Variants in CCDC13 observed in about 807,000 individuals in gnomAD.
CCDC13 encodes coiled-coil domain-containing protein 13.
In CCDC13, 70 loss-of-function variants were observed where a neutral mutation model predicts 87.3. That is an observed-to-expected ratio of 0.80 (90% CI 0.66 to 0.98). The LOEUF is 0.98. Ranked by LOEUF, CCDC13 falls within the 50% of genes least tolerant of loss-of-function variation. CCDC13 has a pLI of 0.00. For missense variants in CCDC13, 842 were observed against 892.0 expected, an observed-to-expected ratio of 0.94 and a Z score of 0.71; for synonymous variants, 317 against 360.3, an observed-to-expected ratio of 0.88 and a Z score of 1.36.
intron 7 of CCDC13, among the ~76,000 whole-genome samples, chr3:42,744,233 G>A (rs1211710550): frequency 6.6e-6 from 1 of 152,168 alleles, no homozygotes; most frequent in Non-Finnish European, 1.5e-5. Context: ...TTCAGCAAGT[G>A]GCAGGTAGAT....
At chr3:42,772,818 G>A (rs550115786) in intron 1 of CCDC13, among the ~76,000 whole-genome samples, 2 of 152,316 alleles carry the variant, frequency 1.3e-5, no homozygotes, top group African/African-American at 4.8e-5. Flanking sequence ...CTTTCAGTGC[G>A]GTGCGAGAGG....
intron 13 of CCDC13, among the ~76,000 whole-genome samples, chr3:42,730,014 T>G (rs1468778145): frequency 6.6e-6 from 1 of 152,134 alleles, no homozygotes; most frequent in Non-Finnish European, 1.5e-5. Flanking sequence ...GTCCAGTGCC[T>G]CAGGCCTCGT....
At position 42,745,795 on chromosome 3, in the gene CCDC13, T is replaced by G. The variant is rs191963974; in HGVS notation, c.825+128A>C. On this transcript the variant is annotated intron_variant, in intron 7 of 15. Transcript: ENST00000310232. ...AGGTAAAACAACAACCCCGCACGAG[T>G]GCACTGTGAGACCTAAAGGCCTTTT... 121 of 627,378 alleles carry G rather than the reference T, an allele frequency of 1.9e-4. No homozygotes were observed. In the East Asian group the frequency reaches 3.1e-3, roughly 16 times the overall value. The allele number at this position is 627,378 out of a possible 1,614,324, so 38.9% of individuals were successfully genotyped here. A position where few individuals can be genotyped will look rare whatever the true frequency, so the allele number is the denominator to read the frequency against.
intron 14 of CCDC13, among the ~76,000 whole-genome samples, chr3:42,712,861 T>C (rs7639483): frequency 0.5 from 76,083 of 152,054 alleles, 19,343 homozygotes; most frequent in African/African-American, 0.6. Flanking sequence ...GAAGTCAGCT[T>C]AGGATAGAGG....
At chr3:42,725,847 A>C (rs990256631) in intron 13 of CCDC13, among the ~76,000 whole-genome samples, 3 of 152,168 alleles carry the variant, frequency 2.0e-5, no homozygotes, top group African/African-American at 7.2e-5. Flanking sequence ...TAAGCTCATA[A>C]AATCACAAAA....
intron 1 of CCDC13, among the ~76,000 whole-genome samples, chr3:42,771,561 C>T (rs570703659): frequency 6.6e-6 from 1 of 152,266 alleles, no homozygotes; most frequent in African/African-American, 2.4e-5. Flanking sequence ...TTGAGACCAG[C>T]TTGGGCAACA....
At chr3:42,758,425 G>A in intron 1 of CCDC13, 74 bp from the exon 2 acceptor site, 1 of 1,431,798 alleles carries the variant, frequency 7.0e-7, no homozygotes, top group South Asian at 1.2e-5. Flanking sequence ...CGCCCTGTCT[G>A]CAGCCCCAGC....
chr3:42,736,686 C>G (rs1442365149), intron 9 of CCDC13, among the ~76,000 whole-genome samples: 1 of 152,008 alleles, frequency 6.6e-6, no homozygotes, highest in Non-Finnish European at 1.5e-5. Context: ...TCTTCTGTGC[C>G]CCGCTCACCA....
chr3:42,757,315 C>A, intron 2 of CCDC13, 101 bp from the exon 3 acceptor site: 1 of 1,106,444 alleles, frequency 9.0e-7, no homozygotes, highest in Non-Finnish European at 1.3e-6. Flanking sequence ...CACGCAGATG[C>A]AGACACACTG....
chr3:42,763,940 A>G (rs1699883960), intron 1 of CCDC13, among the ~76,000 whole-genome samples: 2 of 152,258 alleles, frequency 1.3e-5, no homozygotes, highest in Non-Finnish European at 2.9e-5. Flanking sequence ...CTGAGACATC[A>G]ATCAAATACA....
At chr3:42,727,841 G>T (rs573619170) in intron 13 of CCDC13, among the ~76,000 whole-genome samples, 31 of 151,936 alleles carry the variant, frequency 2.0e-4, no homozygotes, top group African/African-American at 7.5e-4. Flanking sequence ...AGAAGTAAGA[G>T]AAATAAAACT....
At chr3:42,719,905 T>C (rs1388346835) in intron 13 of CCDC13, among the ~76,000 whole-genome samples, 1 of 152,170 alleles carries the variant, frequency 6.6e-6, no homozygotes, top group African/African-American at 2.4e-5. Context: ...ATCAGAAAAA[T>C]AAAAAGCATA....
At chr3:42,758,999 G>A (rs1320534428) in intron 1 of CCDC13, among the ~76,000 whole-genome samples, 1 of 152,172 alleles carries the variant, frequency 6.6e-6, no homozygotes, top group African/African-American at 2.4e-5. Context: ...TTTTTAGTCA[G>A]TCTATCAAAG....
At chr3:42,747,449 C>A in intron 5 of CCDC13, 76 bp from the exon 6 acceptor site, 1 of 1,006,176 alleles carries the variant, frequency 9.9e-7, no homozygotes, top group Non-Finnish European at 1.6e-6. Flanking sequence ...CCCATTTATC[C>A]AAGTCTGTGC....
chr3:42,737,142 C>T (rs1025037549), intron 9 of CCDC13, among the ~76,000 whole-genome samples: 2 of 152,180 alleles, frequency 1.3e-5, no homozygotes, highest in East Asian at 1.9e-4. Context: ...CAATTCCCAC[C>T]TATGAGTGAG....
chr3:42,752,347 T>C (rs1317702433), intron 4 of CCDC13, among the ~76,000 whole-genome samples: 6 of 152,140 alleles, frequency 3.9e-5, no homozygotes, highest in South Asian at 4.1e-4. Flanking sequence ...AAAAGAATGA[T>C]GGATTTCAGG....
At chr3:42,765,506 A>G (rs1699910483) in intron 1 of CCDC13, among the ~76,000 whole-genome samples, 2 of 152,154 alleles carry the variant, frequency 1.3e-5, no homozygotes, top group African/African-American at 4.8e-5. Context: ...CCTGGGTTCA[A>G]GCGATTCTCC....
chr3:42,717,418 C>T (rs1013222915), intron 13 of CCDC13, among the ~76,000 whole-genome samples: 2 of 123,784 alleles, frequency 1.6e-5, no homozygotes, highest in African/African-American at 6.7e-5. Flanking sequence ...AAGCGAGAAT[C>T]CATCTCAAAA....
At chr3:42,713,370 C>T in intron 13 of CCDC13, 54 bp from the exon 14 acceptor site, 2 of 1,592,468 alleles carry the variant, frequency 1.3e-6, no homozygotes, top group Non-Finnish European at 1.7e-6. Context: ...GGGGCAGGCC[C>T]TACCCCACTT....
Sources: allele counts gnomAD v4.1 joint callset (sites outside exome capture counted in the v4.1 genomes callset), GRCh38; gene constraint gnomAD v4.1.1; transcripts MANE v1.5; gene names NCBI Gene and HGNC (gene_info 2026-07-23, HGNC 2026-07-21).